Variants in RBFOX1 observed in about 807,000 individuals in gnomAD.
RBFOX1 encodes the protein RNA binding protein fox-1 homolog 1.
In RBFOX1, 8 loss-of-function variants were observed where a neutral mutation model predicts 57.7. That is an observed-to-expected ratio of 0.14 (90% confidence interval 0.08 to 0.25). The LOEUF (loss-of-function observed/expected upper bound fraction) is 0.25. Ranked by LOEUF, RBFOX1 falls within the 10% of genes least tolerant of loss-of-function variation. RBFOX1 has a pLI of 1.00. For synonymous variants in RBFOX1, 326 were observed against 222.4 expected (o/e 1.47, Z -4.15); for missense variants, 611 against 548.5 (o/e 1.11, Z -1.14).
chr16:5,269,819 C>T (rs1197365267), intron 1 of RBFOX1, among the ~76,000 whole-genome samples: 3 of 152,154 alleles, frequency 2.0e-5, no homozygotes, highest in Non-Finnish European at 4.4e-5. Context: ...CAAAGAAAAA[C>T]AGCCCAAGTT....
intron 2 of RBFOX1, among the ~76,000 whole-genome samples, chr16:5,506,325 G>A (rs906855608): frequency 6.6e-6 from 1 of 152,158 alleles, no homozygotes; most frequent in African/African-American, 2.4e-5. Flanking sequence ...CGTAAGTCGC[G>A]GATAGCTCCT....
chr16:7,254,635 C>G (rs1922597), intron 4 of RBFOX1, among the ~76,000 whole-genome samples: 18,041 of 151,964 alleles, frequency 0.12, 1,578 homozygotes, highest in African/African-American at 0.24. Context: ...AAAAATTTTT[C>G]TTTTCAATCC....
chr16:6,492,682 C>A (rs1188903286), intron 2 of RBFOX1, among the ~76,000 whole-genome samples: 8 of 152,214 alleles, frequency 5.3e-5, no homozygotes, highest in Admixed American at 5.2e-4. Context: ...GCTTGGTTCA[C>A]TGCCGCATTG....
intron 5 of RBFOX1, among the ~76,000 whole-genome samples, chr16:7,561,346 A>G (rs1350168369): frequency 6.6e-6 from 1 of 152,252 alleles, no homozygotes; most frequent in Non-Finnish European, 1.5e-5. Flanking sequence ...AAAGCATGCT[A>G]TCCCCATCTA....
intron 2 of RBFOX1, among the ~76,000 whole-genome samples, chr16:6,542,565 C>T (rs760016058): frequency 1.5e-5 from 2 of 131,576 alleles, no homozygotes; most frequent in Non-Finnish European, 3.1e-5. Flanking sequence ...TCTCGGCTCA[C>T]TGCAAGCTCC....
chr16:5,402,894 A>G (rs1476642599), intron 1 of RBFOX1, among the ~76,000 whole-genome samples: 1 of 152,250 alleles, frequency 6.6e-6, no homozygotes, highest in African/African-American at 2.4e-5. Context: ...AACAAGAGAG[A>G]TAATTAACAA....
intron 2 of RBFOX1, among the ~76,000 whole-genome samples, chr16:6,567,584 G>T (rs754901245): frequency 6.6e-6 from 1 of 152,036 alleles, no homozygotes. Flanking sequence ...CTTGTTCTCA[G>T]TCTCTGTCCA....
At chr16:7,168,385 AAG>A (rs2079999918) in intron 4 of RBFOX1, among the ~76,000 whole-genome samples, 1 of 152,160 alleles carries the variant, frequency 6.6e-6, no homozygotes, top group Admixed American at 6.5e-5. Flanking sequence ...GGAAATGGGA[AAG>A]AGTGTACCTC....
chr16:6,852,858 C>T lies in RBFOX1; in HGVS notation c.-16+198208C>T, dbSNP rs545581313. 2.0e-5 allele frequency among the ~76,000 whole-genome samples: 3 copies of T among 152,092 alleles called. No homozygotes were observed. In the South Asian group the frequency reaches 6.2e-4, roughly 32 times the overall value. ...CAGGTGAGGTGCATGCTGGGAACTG[C>T]TGTCCAGGTGAGGTGCATGCTGGGA... is the stretch of plus-strand genomic sequence containing the variant. On this transcript the variant is annotated intron_variant, in intron 3 of 15. Transcript: ENST00000550418.
chr16:6,483,538 C>G (rs1446527721), intron 2 of RBFOX1: 21 of 1,535,600 alleles, frequency 1.4e-5, no homozygotes, highest in Middle Eastern at 1.7e-4. Context: ...TGGGAGATGC[C>G]CTTCAGGTAC....
At chr16:7,456,594 T>C (rs117939447) in intron 4 of RBFOX1, among the ~76,000 whole-genome samples, 1,822 of 152,248 alleles carry the variant, frequency 0.012, 34 homozygotes, top group Non-Finnish European at 0.02. Context: ...ATTTTAAGAG[T>C]TGCAGGCAAG....
chr16:6,118,741 C>A (rs1401188595), intron 1 of RBFOX1, among the ~76,000 whole-genome samples: 1 of 143,874 alleles, frequency 7.0e-6, no homozygotes, highest in Non-Finnish European at 1.5e-5. Flanking sequence ...CTCTCTCTGT[C>A]CTTCCTTCCT....
chr16:7,640,891 T>A (rs1040246169), intron 11 of RBFOX1, among the ~76,000 whole-genome samples: 5 of 99,916 alleles, frequency 5.0e-5, no homozygotes, highest in African/African-American at 7.4e-5. Context: ...CCCAAACTAA[T>A]GTGGATTTAC....
intron 14 of RBFOX1, among the ~76,000 whole-genome samples, chr16:7,685,296 T>TCTACTCTCC (rs746163083): frequency 1.2e-4 from 18 of 152,272 alleles, no homozygotes; most frequent in Non-Finnish European, 2.4e-4. Context: ...CCATTGCCTC[T>TCTACTCTCC]CTACTCTCCC....
rs115497885 is a variant in RBFOX1 at position 6,829,918 on chromosome 16, T to C, written c.-16+175268T>C. ...TGCCCAGCCCTTTATTTTTATTTTATTTTTTTTATTTTTTTGAGATGGAGT... is the reference window on the plus strand; with the variant it reads ...TGCCCAGCCCTTTATTTTTATTTTACTTTTTTTATTTTTTTGAGATGGAGT... On this transcript the variant is annotated intron_variant, in intron 3 of 15. Transcript: ENST00000550418. Among the ~76,000 whole-genome samples the C allele has an allele frequency of 2.3e-3, 348 of 151,570 alleles. 1 individual carries two copies. The highest frequency in any genetic ancestry group is 8.2e-3 in the African/African-American group (338 of 41,232).
At position 6,043,725 on chromosome 16, in the gene RBFOX1, G is replaced by T. The variant is rs143861242; in HGVS notation, c.-127+23733G>T. Among the ~76,000 whole-genome samples the T allele has an allele frequency of 7.8e-3, 1,189 of 152,294 alleles. 15 individuals are homozygous for T. Among genetic ancestry groups the T allele is most frequent in the Non-Finnish European group, 0.011 (738 of 68,026 alleles). On this transcript the variant is annotated intron_variant, in intron 1 of 15. Coordinates refer to ENST00000550418, the MANE Select transcript of RBFOX1 (RefSeq NM_018723.4). ...TTCCTGCTCTTTTCCCAGGAAGCCA[G>T]TATGGAAGGAGAACTCCAGGGGCTC...
intron 3 of RBFOX1, among the ~76,000 whole-genome samples, chr16:5,787,636 T>C (rs2054548462): frequency 6.6e-6 from 1 of 152,064 alleles, no homozygotes; most frequent in African/African-American, 2.4e-5. Context: ...GAGAGCTTTG[T>C]AGAAAAGGTG....
chr16:7,542,759 C>G lies in RBFOX1; in HGVS notation c.270+24370C>G, dbSNP rs1484653338. Reference sequence around the variant, plus strand: ...GCACGCACCTGTAATCCCAGCTACTCGGGTGGCTGAGGCATGAGAATCAAT... The same window carrying G: ...GCACGCACCTGTAATCCCAGCTACTGGGGTGGCTGAGGCATGAGAATCAAT... On this transcript the variant is annotated intron_variant, in intron 5 of 15. Coordinates refer to ENST00000550418, the MANE Select transcript of RBFOX1 (RefSeq NM_018723.4). Among the ~76,000 whole-genome samples, 12 of 146,066 alleles carry G rather than the reference C, an allele frequency of 8.2e-5. No homozygotes were observed. In the South Asian group the frequency reaches 1.8e-3, roughly 21 times the overall value.
chr16:5,480,295 C>G lies in RBFOX1; in HGVS notation c.258+13041C>G, dbSNP rs935514346. On this transcript the variant is annotated intron_variant, in intron 2 of 2. Transcript: ENST00000585867. ...TTCTCCTAATCTCTCTCCAAGGTCC[C>G]AAAGAGGATGAGATAAAAGCACACC... is the stretch of plus-strand genomic sequence containing the variant. 4.6e-5 allele frequency among the ~76,000 whole-genome samples: 7 copies of G among 151,990 alleles called. No individual in the cohort carries two copies. The South Asian group carries it at 1.0e-3, about 23-fold the overall frequency.
Sources: allele counts gnomAD v4.1 joint callset (sites outside exome capture counted in the v4.1 genomes callset), GRCh38; gene constraint gnomAD v4.1.1; transcripts MANE v1.5; gene names NCBI Gene and HGNC (gene_info 2026-07-23, HGNC 2026-07-21).